TTPAL: variants seen among roughly 807,000 people sequenced by gnomAD.
The protein encoded by TTPAL is alpha-tocopherol transfer protein-like.
TTPAL carries 21 observed loss-of-function variants against 28.7 expected under a neutral mutation model. That is an observed-to-expected ratio of 0.73 (90% confidence interval 0.52 to 1.06). The LOEUF (loss-of-function observed/expected upper bound fraction) is 1.06. TTPAL is among the 50% of genes least tolerant of loss of function. The probability of loss-of-function intolerance (pLI) is 0.00; values close to 1 mark genes in which losing one functional copy is unlikely to be tolerated. For missense variants in TTPAL, 345 were observed against 425.5 expected (o/e 0.81, Z 1.67); for synonymous variants, 169 against 171.9 (o/e 0.98, Z 0.13).
At position 44,480,263 on chromosome 20, in the gene TTPAL, C is replaced by A. The variant is rs1334186769; in HGVS notation, c.264C>A (p.Arg88=). ...TCCTGCTGCGCTTCCTCCGAGCCCGCAAGTTTGATTACGACCGGGCCCTGC... is the reference window on the plus strand; with the variant it reads ...TCCTGCTGCGCTTCCTCCGAGCCCGAAAGTTTGATTACGACCGGGCCCTGC... ...DAFLLRFLRA[R]KFDYDRALQL... Residue 88 remains arginine, a synonymous_variant, in exon 2 of 5, where the codon CGC becomes CGA. Coordinates refer to ENST00000262605, the MANE Select transcript of TTPAL (RefSeq NM_001039199.3). This position sits in a 1 kb window ranked among gnomAD's most constrained non-coding sequence, Gnocchi z 4.1. 1 of 1,614,072 alleles carries A rather than the reference C, an allele frequency of 6.2e-7. No homozygotes were observed. The highest frequency in any genetic ancestry group is 1.1e-5 in the South Asian group (1 of 91,092).
chr20:44,484,079 G>A (rs1181146424), intron 2 of TTPAL, among the ~76,000 whole-genome samples: 3 of 152,288 alleles, frequency 2.0e-5, no homozygotes, highest in African/African-American at 4.8e-5. Flanking sequence ...ACAGGCATGA[G>A]CCACTGTGCC....
At chr20:44,484,839 C>T (rs906753799) in intron 3 of TTPAL, among the ~76,000 whole-genome samples, 1 of 152,196 alleles carries the variant, frequency 6.6e-6, no homozygotes, top group East Asian at 1.9e-4. Context: ...ACTGGCTGGG[C>T]GCGGTGGCTC....
intron 2 of TTPAL, among the ~76,000 whole-genome samples, chr20:44,483,099 C>A (rs1351642958): frequency 6.6e-6 from 1 of 152,204 alleles, no homozygotes; most frequent in African/African-American, 2.4e-5. Context: ...CTCCAATGAT[C>A]CACCCACCTT....
intron 1 of TTPAL, among the ~76,000 whole-genome samples, chr20:44,479,413 T>TC (rs2064080110): frequency 6.9e-6 from 1 of 145,256 alleles, no homozygotes. Context: ...TTTTTTTTTT[T>TC]TTTTTTTTTT....
intron 2 of TTPAL, among the ~76,000 whole-genome samples, chr20:44,481,474 C>G (rs535899031): frequency 3.0e-4 from 45 of 152,276 alleles, no homozygotes; most frequent in African/African-American, 1.0e-3. Context: ...TAGGCCTGTT[C>G]TCTTCCATGA....
Position 44,484,522 on chromosome 20 carries a change from A to G in TTPAL, c.631A>G (p.Ile211Val). 1.3e-6 allele frequency: 2 copies of G among 1,575,260 alleles called. No homozygotes were observed. Among genetic ancestry groups the G allele is most frequent in the Non-Finnish European group, 1.7e-6 (2 of 1,148,994 alleles). Residue 211 changes from isoleucine to valine, a missense_variant, in exon 3 of 5, where the codon ATC becomes GTC. Transcript: ENST00000262605. ...TTTTATAGCCAAAAAGGTGATTGGC[A>G]TCCTCCAGGTAAGACCCGTATGTGT... ...GPFIAKKVIG[I>V]LQDGFPIRIK...
chr20:44,478,245 G>A (rs989562890), intron 1 of TTPAL, among the ~76,000 whole-genome samples: 2 of 152,258 alleles, frequency 1.3e-5, no homozygotes, highest in African/African-American at 4.8e-5. Flanking sequence ...AGCTGGAGAA[G>A]TCAGGAAGAG....
In TTPAL at chr20:44,492,561, ACTCT is replaced by A. The variant is rs11467722; in HGVS notation, c.*3025_*3028del. The A allele has an allele frequency of 1.3e-5, 2 of 151,704 alleles. No homozygotes were observed. Among genetic ancestry groups the A allele is most frequent in the Admixed American group, 1.3e-4 (2 of 15,220 alleles). The allele number at this position is 151,704 out of a possible 1,614,324, so 9.4% of individuals were successfully genotyped here. ...TTGGCTTCACTGCCACAGACACTGT[ACTCT>A]CTCTTTTTAGAAGTTTTTTTCCTTT... On this transcript the variant is annotated 3_prime_UTR_variant, in exon 5 of 5. Transcript: ENST00000262605.
intron 1 of TTPAL, among the ~76,000 whole-genome samples, chr20:44,476,783 A>T (rs968501813): frequency 1.3e-5 from 2 of 152,252 alleles, no homozygotes; most frequent in Non-Finnish European, 2.9e-5. Context: ...TTAGGCAAGG[A>T]ATTGTATTGT....
At position 44,480,461 on chromosome 20, in the gene TTPAL, T is replaced by C; in HGVS notation, c.445+17T>C. The stretch of plus-strand genomic sequence containing the variant: ...TCCGCCCAGGTATCTCCCTAGACTG[T>C]TGTGGGGTGTGTGTGTCCAGTCCTT... On this transcript the variant is annotated intron_variant, in intron 2 of 4. Coordinates refer to ENST00000262605, the MANE Select transcript of TTPAL (RefSeq NM_001039199.3). This position sits in a 1 kb window ranked among gnomAD's most constrained non-coding sequence, Gnocchi z 4.1. 6.4e-7 allele frequency: 1 copy of C among 1,568,970 alleles called. No homozygotes were observed. Among genetic ancestry groups the C allele is most frequent in the Non-Finnish European group, 8.7e-7 (1 of 1,156,064 alleles).
chr20:44,487,318 T>C (rs1437557524), intron 4 of TTPAL, among the ~76,000 whole-genome samples: 2 of 151,716 alleles, frequency 1.3e-5, no homozygotes, highest in Non-Finnish European at 2.9e-5. Context: ...GGCACATGTC[T>C]GTAGTCTCCA....
At chr20:44,477,147 C>T (rs1359935040) in intron 1 of TTPAL, among the ~76,000 whole-genome samples, 1 of 152,116 alleles carries the variant, frequency 6.6e-6, no homozygotes, top group East Asian at 1.9e-4. Context: ...TAATGTGCAT[C>T]AAGGTGGGGT....
At chr20:44,488,482 C>A (rs2064173152) in intron 4 of TTPAL, among the ~76,000 whole-genome samples, 1 of 151,966 alleles carries the variant, frequency 6.6e-6, no homozygotes, top group African/African-American at 2.4e-5. Flanking sequence ...AAAACCCCTG[C>A]CCCTAGGAAA....
chr20:44,480,540 C>A lies in TTPAL; in HGVS notation c.445+96C>A. 3 of 1,236,448 alleles carry A rather than the reference C, an allele frequency of 2.4e-6. No individual in the cohort carries two copies. Among genetic ancestry groups the A allele is most frequent in the Non-Finnish European group, 3.4e-6 (3 of 894,830 alleles). The allele number at this position is 1,236,448 out of a possible 1,614,324, so 76.6% of individuals were successfully genotyped here. ...CTCCTTTCCAAGTCCCTTTTTTACC[C>A]CTCCTTTGTTATAGTCAAGGCTCTT... On this transcript the variant is annotated intron_variant, in intron 2 of 4. Transcript: ENST00000262605. This position sits in a 1 kb window ranked among gnomAD's most constrained non-coding sequence, Gnocchi z 4.1.
Position 44,486,595 on chromosome 20 carries a change from G to T in TTPAL, c.640-1G>T. ...TAAACCCCTTTGCCTTTCCCACACA[G>T]GATGGTTTCCCCATTCGGATAAAAG... is the stretch of plus-strand genomic sequence containing the variant. On this transcript the variant is annotated splice_acceptor_variant, in intron 3 of 4. Coordinates refer to ENST00000262605, the MANE Select transcript of TTPAL (RefSeq NM_001039199.3). LOFTEE classifies it high-confidence loss of function. 6.3e-7 allele frequency: 1 copy of T among 1,597,296 alleles called. No homozygotes were observed. Among genetic ancestry groups the T allele is most frequent in the Non-Finnish European group, 8.6e-7 (1 of 1,168,646 alleles).
At chr20:44,477,674 A>G (rs1215932374) in intron 1 of TTPAL, among the ~76,000 whole-genome samples, 1 of 144,900 alleles carries the variant, frequency 6.9e-6, no homozygotes, top group African/African-American at 2.7e-5. Flanking sequence ...TATTTATCTG[A>G]GATAGCGTCT....
intron 2 of TTPAL, among the ~76,000 whole-genome samples, chr20:44,482,387 C>T (rs1453075508): frequency 6.6e-6 from 1 of 150,896 alleles, no homozygotes; most frequent in Non-Finnish European, 1.5e-5. Flanking sequence ...CGCCTCCCCC[C>T]AACCCCCACC....
Position 44,492,731 on chromosome 20 carries a change from C to T in TTPAL, c.*3190C>T, listed in dbSNP as rs1043840648. The T allele has an allele frequency of 6.6e-6, 1 of 152,286 alleles. No homozygotes were observed. The highest frequency in any genetic ancestry group is 2.4e-5 in the African/African-American group (1 of 41,426). 9.4% of individuals were successfully genotyped at this position (152,286 alleles called of 1,614,324 possible). A position where few individuals can be genotyped will look rare whatever the true frequency, so the allele number is the denominator to read the frequency against. Reference sequence around the variant, plus strand: ...TATCCCAACATGGAATTCTGGAAAACTGTGCCTCTTCCCCTGTTCTGCCTT... The same window carrying T: ...TATCCCAACATGGAATTCTGGAAAATTGTGCCTCTTCCCCTGTTCTGCCTT... On this transcript the variant is annotated 3_prime_UTR_variant, in exon 5 of 5. Coordinates refer to ENST00000262605, the MANE Select transcript of TTPAL (RefSeq NM_001039199.3).
intron 4 of TTPAL, 101 bp downstream of exon 4, chr20:44,486,807 T>C (rs183650214): frequency 9.0e-6 from 6 of 669,456 alleles, no homozygotes; most frequent in Non-Finnish European, 1.5e-5. Context: ...AACAACTAAT[T>C]TGGAAAAGTA....
Sources: allele counts gnomAD v4.1 joint callset (sites outside exome capture counted in the v4.1 genomes callset), GRCh38; gene constraint gnomAD v4.1.1; non-coding constraint Gnocchi (gnomAD v3.1); transcripts MANE v1.5; gene names NCBI Gene and HGNC (gene_info 2026-07-23, HGNC 2026-07-21).